MDM2: variants seen among roughly 807,000 people sequenced by gnomAD.
MDM2 encodes the protein E3 ubiquitin-protein ligase Mdm2.
In MDM2, 11 loss-of-function variants were observed where a neutral mutation model predicts 64.3. The observed-to-expected ratio is 0.17, with a 90% CI of 0.11 to 0.28. The LOEUF (loss-of-function observed/expected upper bound fraction) is 0.28, where lower values mean the gene tolerates loss of function less well. Ranked by LOEUF, MDM2 falls within the 10% of genes least tolerant of loss-of-function variation. MDM2 has a pLI of 1.00. For synonymous variants in MDM2, 194 were observed against 192.9 expected, an observed-to-expected ratio of 1.01 and a Z score of -0.05; for missense variants, 388 against 577.1, an observed-to-expected ratio of 0.67 and a Z score of 3.36.
At chr12:68,816,508 G>T (rs545145004) in intron 3 of MDM2, among the ~76,000 whole-genome samples, 2 of 151,532 alleles carry the variant, frequency 1.3e-5, no homozygotes, top group South Asian at 4.2e-4. Flanking sequence ...TAATAGCTGG[G>T]ATTACAGGTG....
intron 8 of MDM2, among the ~76,000 whole-genome samples, chr12:68,832,490 CCTAT>C (rs1882873441): frequency 6.6e-6 from 1 of 151,944 alleles, no homozygotes; most frequent in African/African-American, 2.4e-5. Flanking sequence ...GCAGAGCAAG[CCTAT>C]CTGATGCTTA....
intron 8 of MDM2, among the ~76,000 whole-genome samples, chr12:68,831,329 C>T (rs3730619): frequency 5.4e-4 from 82 of 152,240 alleles, no homozygotes; most frequent in Non-Finnish European, 7.8e-4. Flanking sequence ...TTTTATGTGA[C>T]GGCTGGAGGG....
At chr12:68,810,157 C>A (rs1223934361) in intron 2 of MDM2, among the ~76,000 whole-genome samples, 1 of 151,952 alleles carries the variant, frequency 6.6e-6, no homozygotes, top group Non-Finnish European at 1.5e-5. Flanking sequence ...ACTAAAAATA[C>A]AAAAATTAGT....
intron 5 of MDM2, chr12:68,824,088 C>T: frequency 2.5e-6 from 1 of 400,286 alleles, no homozygotes; most frequent in Non-Finnish European, 4.4e-6. Context: ...CTCCCTGTCC[C>T]TACCAAAATA....
chr12:68,810,528 C>T (rs1880786280), intron 2 of MDM2, among the ~76,000 whole-genome samples: 1 of 151,826 alleles, frequency 6.6e-6, no homozygotes, highest in Non-Finnish European at 1.5e-5. Flanking sequence ...GTGGCACAAT[C>T]TCGGCTCACT....
chr12:68,822,512 T>C (rs991645050), intron 5 of MDM2, among the ~76,000 whole-genome samples: 8 of 152,138 alleles, frequency 5.3e-5, no homozygotes, highest in African/African-American at 1.9e-4. Context: ...TTTAAGAAAT[T>C]GTGTGATAGC....
downstream of MDM2, chr12:68,847,196 T>TTATATATATATATATATATACATATATA (rs59862219): frequency 3.3e-5 from 3 of 92,078 alleles, no homozygotes; most frequent in African/African-American, 1.2e-4. Context: ...TGTGTGTACA[T>TTATATATATATATATATATACATATATA]TATATATATA....
chr12:68,837,695 G>A (rs1218981123), intron 10 of MDM2, among the ~76,000 whole-genome samples: 2 of 152,172 alleles, frequency 1.3e-5, no homozygotes, highest in Non-Finnish European at 2.9e-5. Context: ...ATTATAGAAT[G>A]TGGTAGGATT....
chr12:68,818,615 T>C (rs1010540268), intron 4 of MDM2, among the ~76,000 whole-genome samples: 2 of 149,038 alleles, frequency 1.3e-5, no homozygotes, highest in Non-Finnish European at 3.0e-5. Context: ...TTATTTTTTA[T>C]TGATGAGTCA....
At chr12:68,818,135 A>G (rs577096858) in intron 4 of MDM2, among the ~76,000 whole-genome samples, 10 of 152,270 alleles carry the variant, frequency 6.6e-5, no homozygotes, top group African/African-American at 2.4e-4. Context: ...AGCACAGGCA[A>G]TCCGTGTTGA....
rs2136149231 is a variant in MDM2, at chr12:68,828,916, G to C, written c.669G>C (p.Gly223=). ...CERSSSSEST[G]TPSNPDLDAG... ...GAAGCAGTAGCAGTGAATCTACAGG[G>C]ACGCCATCGAATCCGGTAATGTTCT... Residue 223 remains glycine, a synonymous_variant, in exon 8 of 11, where the codon GGG becomes GGC. Coordinates refer to ENST00000258149, the MANE Select transcript of MDM2 (RefSeq NM_002392.6). 16 of 1,613,922 alleles carry C rather than the reference G, an allele frequency of 9.9e-6. No individual in the cohort carries two copies. Among genetic ancestry groups the C allele is most frequent in the Non-Finnish European group, 1.3e-5 (15 of 1,179,940 alleles).
intron 4 of MDM2, among the ~76,000 whole-genome samples, chr12:68,817,715 A>T (rs1454498995): frequency 1.3e-5 from 2 of 152,068 alleles, no homozygotes; most frequent in Admixed American, 6.6e-5. Context: ...AGATTGCGCC[A>T]CTGCACTCCA....
chr12:68,843,093 G>GTT lies in MDM2; in HGVS notation c.*3256_*3257dup, dbSNP rs760108963. The GTT allele has an allele frequency of 2.8e-4, 56 of 198,996 alleles. No homozygotes were observed. Among genetic ancestry groups the GTT allele is most frequent in the Non-Finnish European group, 3.6e-4 (36 of 98,900 alleles). 12.3% of individuals were successfully genotyped at this position (198,996 alleles called of 1,614,324 possible). On this transcript the variant is annotated 3_prime_UTR_variant, in exon 11 of 11. Transcript: ENST00000258149. ...GTGCCTTTTGCAATTTGTTGTGTGGGTTTTTTTTTTTTTAAAGCCACACAA... is the reference window on the plus strand; with the variant it reads ...GTGCCTTTTGCAATTTGTTGTGTGGGTTTTTTTTTTTTTTTAAAGCCACACAA...
In MDM2 at chr12:68,843,937, C is replaced by T. The variant is rs1302686814; in HGVS notation, c.*4088C>T. ...AATCTGTTTTTTTCCTTTGGAGGTC[C>T]TCAAAGCATTATTGGAGTTCATAAT... On this transcript the variant is annotated 3_prime_UTR_variant, in exon 11 of 11. Transcript: ENST00000258149. 4.7e-6 allele frequency: 1 copy of T among 211,204 alleles called. No individual in the cohort carries two copies. Among genetic ancestry groups the T allele is most frequent in the Non-Finnish European group, 9.6e-6 (1 of 104,510 alleles). 13.1% of individuals were successfully genotyped at this position (211,204 alleles called of 1,614,324 possible). A position where few individuals can be genotyped will look rare whatever the true frequency, so the allele number is the denominator to read the frequency against.
At chr12:68,830,377 C>T (rs910895382) in intron 8 of MDM2, among the ~76,000 whole-genome samples, 4 of 152,156 alleles carry the variant, frequency 2.6e-5, no homozygotes, top group Admixed American at 6.5e-5. Context: ...AGTTACTGTA[C>T]CTAACGGAGC....
At chr12:68,837,145 G>C (rs1040366615) in intron 10 of MDM2, among the ~76,000 whole-genome samples, 2 of 151,430 alleles carry the variant, frequency 1.3e-5, no homozygotes, top group African/African-American at 2.4e-5. Context: ...GTAGAGATGG[G>C]GTTTCACCAT....
downstream of MDM2, chr12:68,847,472 G>A (rs1055232339): frequency 9.5e-5 from 1 of 10,540 alleles, no homozygotes; most frequent in Admixed American, 7.5e-4. Context: ...TTTTTTTTTT[G>A]AGACGGAGTC....
At chr12:68,821,415 C>G (rs753670742) in intron 5 of MDM2, among the ~76,000 whole-genome samples, 1 of 152,126 alleles carries the variant, frequency 6.6e-6, no homozygotes, top group African/African-American at 2.4e-5. Flanking sequence ...AGCCCATCCT[C>G]GAACTACAGT....
chr12:68,826,647 T>TCAAAAAA (rs756911468), intron 7 of MDM2, among the ~76,000 whole-genome samples: 1 of 91,480 alleles, frequency 1.1e-5, no homozygotes, highest in African/African-American at 4.0e-5. Context: ...AGACTCCCTC[T>TCAAAAAA]TAAAAAAAAA....
Sources: allele counts gnomAD v4.1 joint callset (sites outside exome capture counted in the v4.1 genomes callset), GRCh38; gene constraint gnomAD v4.1.1; transcripts MANE v1.5; gene names NCBI Gene and HGNC (gene_info 2026-07-23, HGNC 2026-07-21).